Variants in CASKIN1 observed in about 807,000 individuals in gnomAD.
CASKIN1 encodes the protein CASK interacting protein 1.
In CASKIN1, 42 loss-of-function variants were observed where a neutral mutation model predicts 117.5. The ratio of observed to expected loss-of-function variants is 0.36; its 90% confidence interval spans 0.28 to 0.46. CASKIN1 has a LOEUF of 0.46. CASKIN1 is among the 20% of genes least tolerant of loss of function. The pLI, the probability that CASKIN1 is intolerant of heterozygous loss-of-function variation, is 1.00. For synonymous variants in CASKIN1, 1,148 were observed against 961.7 expected, an observed-to-expected ratio of 1.19 and a Z score of -3.59; for missense variants, 2,083 against 2,077.3, an observed-to-expected ratio of 1.00 and a Z score of -0.05.
chr16:2,191,570 G>A (rs2093201808), intron 1 of CASKIN1, among the ~76,000 whole-genome samples: 1 of 152,202 alleles, frequency 6.6e-6, no homozygotes, highest in Non-Finnish European at 1.5e-5. Flanking sequence ...CTCGGTGCAT[G>A]GCGATTACTA....
chr16:2,178,079 G>A lies in CASKIN1; in HGVS notation c.*471C>T, dbSNP rs1182557088. 4 of 486,874 alleles carry A rather than the reference G, an allele frequency of 8.2e-6. No individual in the cohort carries two copies. The highest frequency in any genetic ancestry group is 1.6e-5 in the Non-Finnish European group (4 of 254,244). The allele number at this position is 486,874 out of a possible 1,614,324, so 30.2% of individuals were successfully genotyped here. A position where few individuals can be genotyped will look rare whatever the true frequency, so the allele number is the denominator to read the frequency against. On this transcript the variant is annotated 3_prime_UTR_variant, in exon 20 of 20. Coordinates refer to ENST00000343516, the MANE Select transcript of CASKIN1 (RefSeq NM_020764.4). ...AAAGTTATACCTTTTTGTTTCTCTG[G>A]GGAAATCCGCCTCAGCTCATTCCCA...
At position 2,196,485 on chromosome 16, in the gene CASKIN1, C is replaced by A; in HGVS notation, c.-53G>T. The A allele has an allele frequency of 1.1e-6, 1 of 945,950 alleles. No homozygotes were observed. The highest frequency in any genetic ancestry group is 1.3e-6 in the Non-Finnish European group (1 of 778,878). 58.6% of individuals were successfully genotyped at this position (945,950 alleles called of 1,614,324 possible). On this transcript the variant is annotated 5_prime_UTR_variant, in exon 1 of 20. Transcript: ENST00000343516. This position sits in a 1 kb window ranked among gnomAD's most constrained non-coding sequence, Gnocchi z 5.7. Reference sequence around the variant, plus strand: ...CTGCGCTCGTGAGCTCGGCGCGGCTCAGAGGCGGCGGCGGCCCCGCGGCAC... The same window carrying A: ...CTGCGCTCGTGAGCTCGGCGCGGCTAAGAGGCGGCGGCGGCCCCGCGGCAC...
Position 2,181,140 on chromosome 16 carries a change from C to A in CASKIN1, c.2228G>T (p.Arg743Leu), listed in dbSNP as rs762572509. The change falls in exon 18 of 20, where the codon CGG becomes CTG. Residue 743 changes from arginine to leucine, a missense_variant. Arg to Leu is a moderately radical substitution (Grantham distance 102). Around this residue, in one of 3 missense-constraint regions of CASKIN1, gnomAD observed 1,818 missense variants for 1,688.9 expected, o/e 1.08. Transcript: ENST00000343516. The part of the protein sequence containing the change: ...PAPGTPPREA[R>L]PGRHGHSIKR... ...GATGCTGTGGCCGTGGCGGCCGGGC[C>A]GGGCCTCCCTGGGCGGGGTGCCGGG... 2 of 1,483,078 alleles carry A rather than the reference C, an allele frequency of 1.3e-6. No individual in the cohort carries two copies. The highest frequency in any genetic ancestry group is 5.0e-5 in the Admixed American group (2 of 39,618). 91.9% of individuals were successfully genotyped at this position (1,483,078 alleles called of 1,614,324 possible).
intron 1 of CASKIN1, among the ~76,000 whole-genome samples, chr16:2,191,357 G>A (rs1268737401): frequency 6.6e-6 from 1 of 152,194 alleles, no homozygotes; most frequent in African/African-American, 2.4e-5. Context: ...CTGGACACAG[G>A]GTGCGGGTCC....
chr16:2,179,954 G>A lies in CASKIN1; in HGVS notation c.3414C>T (p.Val1138=), dbSNP rs1256544443. The change falls in exon 18 of 20, where the codon GTC becomes GTT. Residue 1138 remains valine (V), a synonymous_variant. Transcript: ENST00000343516. The surrounding 1 kb of genome is among the most constrained non-coding windows in gnomAD (Gnocchi z 5.8). ...TGTCAGACTCGGTCAGGATGAACTT[G>A]ACGTTCTCCTGCTGGTTCTGCTTGG... ...IRAKQNQQEN[V]KFILTESDTV... 13 of 1,606,832 alleles carry A rather than the reference G, an allele frequency of 8.1e-6. No individual in the cohort carries two copies. Among genetic ancestry groups the A allele is most frequent in the Non-Finnish European group, 1.1e-5 (13 of 1,177,262 alleles).
rs910011124 is a variant in CASKIN1 at position 2,177,812 on chromosome 16, T to C, written c.*738A>G. On this transcript the variant is annotated 3_prime_UTR_variant, in exon 20 of 20. Coordinates refer to ENST00000343516, the MANE Select transcript of CASKIN1 (RefSeq NM_020764.4). ...AGAGCAAGGCACAACCTCGAGTTCT[T>C]GGGGCGCAGAGAACTTAGGAGAGAA... is the stretch of plus-strand genomic sequence containing the variant. 2.1e-5 allele frequency: 5 copies of C among 239,586 alleles called. No individual in the cohort carries two copies. The highest frequency in any genetic ancestry group is 1.2e-4 in the South Asian group (1 of 8,680). 14.8% of individuals were successfully genotyped at this position (239,586 alleles called of 1,614,324 possible). A position where few individuals can be genotyped will look rare whatever the true frequency, so the allele number is the denominator to read the frequency against.
chr16:2,189,898 G>C (rs923252600), intron 3 of CASKIN1, among the ~76,000 whole-genome samples, 175 bp downstream of exon 3: 4 of 152,018 alleles, frequency 2.6e-5, no homozygotes, highest in Non-Finnish European at 5.9e-5. Context: ...GCTAGGAGCT[G>C]ACCCCTCACC....
chr16:2,191,136 C>G (rs1170300541), intron 1 of CASKIN1, among the ~76,000 whole-genome samples: 2 of 152,198 alleles, frequency 1.3e-5, no homozygotes, highest in East Asian at 3.9e-4. Flanking sequence ...CAAACCCCCG[C>G]CTATCTGGGC....
intron 1 of CASKIN1, among the ~76,000 whole-genome samples, chr16:2,195,976 G>A (rs1031203407): frequency 6.6e-6 from 1 of 152,056 alleles, no homozygotes; most frequent in South Asian, 2.1e-4. Flanking sequence ...TGGTGGGTGG[G>A]GGGGGCATCC....
rs754413603 is a variant in CASKIN1 at position 2,181,216 on chromosome 16, T to G, written c.2152A>C (p.Ser718Arg). The change falls in exon 18 of 20, where the codon AGC becomes CGC. Residue 718 changes from serine to arginine, a missense_variant. Physicochemically the swap from Ser to Arg is moderately radical, Grantham distance 110. Transcript: ENST00000343516. ...ELLGDGPPGP[S>R]SPMSRSQEYL... Reference sequence around the variant, plus strand: ...TCCTGGCTTCGAGACATGGGGCTGCTGGGCCCAGGGGGCCCATCTCCCAGC... The same window carrying G: ...TCCTGGCTTCGAGACATGGGGCTGCGGGGCCCAGGGGGCCCATCTCCCAGC... 4 of 1,586,968 alleles carry G rather than the reference T, an allele frequency of 2.5e-6. No individual in the cohort carries two copies. The highest frequency in any genetic ancestry group is 3.4e-6 in the Non-Finnish European group (4 of 1,174,710).
Position 2,189,425 on chromosome 16 carries a change from A to G in CASKIN1, c.384T>C (p.Tyr128=). ...GCCCCCGCTCGGGCCTCACCACATC[A>G]TAGTGACCATGCTGGGCCGCCAGGT... is the stretch of plus-strand genomic sequence containing the variant. The part of the protein sequence containing the change: ...PLHLAAQHGH[Y]DVSEMLLQHQ... The change falls in exon 4 of 20, where the codon TAT becomes TAC. Residue 128 remains tyrosine, a synonymous_variant. Coordinates refer to ENST00000343516, the MANE Select transcript of CASKIN1 (RefSeq NM_020764.4). The G allele has an allele frequency of 6.2e-7, 1 of 1,611,460 alleles. No individual in the cohort carries two copies. Among genetic ancestry groups the G allele is most frequent in the South Asian group, 1.1e-5 (1 of 90,996 alleles).
intron 1 of CASKIN1, among the ~76,000 whole-genome samples, chr16:2,193,228 GCTGGT>G (rs2093205988): frequency 6.6e-6 from 1 of 152,086 alleles, no homozygotes; most frequent in Non-Finnish European, 1.5e-5. Context: ...TGTTGGTCAG[GCTGGT>G]CTCGAACTCC....
chr16:2,180,640 C>T lies in CASKIN1; in HGVS notation c.2728G>A (p.Val910Ile). The change falls in exon 18 of 20, where the codon GTC (valine) becomes ATC (isoleucine). Residue 910 changes from valine to isoleucine, a missense_variant. Val to Ile is a conservative substitution (Grantham distance 29). This residue lies in a region of CASKIN1 where 1,818 missense variants were observed against 1,688.9 expected (regional missense o/e 1.08). Coordinates refer to ENST00000343516, the MANE Select transcript of CASKIN1 (RefSeq NM_020764.4). ...TGGCTGCGGCCCACGCGCCGCTGGA[C>T]CGTGGCATAGGGGCCGGCAGCCGCA... ...VPAAAGPYATVQRRVGRSHSV... is the reference protein window; with the variant it reads ...VPAAAGPYATIQRRVGRSHSV... The T allele has an allele frequency of 6.5e-7, 1 of 1,546,086 alleles. No homozygotes were observed. The highest frequency in any genetic ancestry group is 8.7e-7 in the Non-Finnish European group (1 of 1,153,014).
Position 2,179,373 on chromosome 16 carries a change from C to G in CASKIN1, c.3776-48G>C. 1 of 1,333,610 alleles carries G rather than the reference C, an allele frequency of 7.5e-7. No homozygotes were observed. The allele number at this position is 1,333,610 out of a possible 1,614,324, so 82.6% of individuals were successfully genotyped here. ...ACCGAGCGGGCACGAGTTCCGCCGC[C>G]GCGCCCCCTGCCCCAGCCTCCCGCG... is the stretch of plus-strand genomic sequence containing the variant. On this transcript the variant is annotated intron_variant, in intron 18 of 19. Coordinates refer to ENST00000343516, the MANE Select transcript of CASKIN1 (RefSeq NM_020764.4). This position sits in a 1 kb window ranked among gnomAD's most constrained non-coding sequence, Gnocchi z 5.8.
chr16:2,186,010 C>T (rs2093183310), intron 10 of CASKIN1, among the ~76,000 whole-genome samples: 1 of 152,176 alleles, frequency 6.6e-6, no homozygotes, highest in African/African-American at 2.4e-5. Flanking sequence ...GAGACAGGGT[C>T]TTGCTCTGTC....
chr16:2,178,445 G>A lies in CASKIN1; in HGVS notation c.*105C>T, dbSNP rs2093151462. 3 of 854,658 alleles carry A rather than the reference G, an allele frequency of 3.5e-6. No homozygotes were observed. The highest frequency in any genetic ancestry group is 1.7e-6 in the Non-Finnish European group (1 of 599,426). 52.9% of individuals were successfully genotyped at this position (854,658 alleles called of 1,614,324 possible). A position where few individuals can be genotyped will look rare whatever the true frequency, so the allele number is the denominator to read the frequency against. ...GGGGCCGGAGTTGTGCTTCTGCAGG[G>A]CCCTGCCCGGCCGCTCGCGCCGCGC... On this transcript the variant is annotated 3_prime_UTR_variant, in exon 20 of 20. Coordinates refer to ENST00000343516, the MANE Select transcript of CASKIN1 (RefSeq NM_020764.4).
chr16:2,177,476 A>C lies in CASKIN1; in HGVS notation c.*1074T>G, dbSNP rs1181360825. On this transcript the variant is annotated 3_prime_UTR_variant, in exon 20 of 20. Coordinates refer to ENST00000343516, the MANE Select transcript of CASKIN1 (RefSeq NM_020764.4). ...TGCCCAACACTGTGGATCAGCAAAC[A>C]CGATAGAGGAGACCAGTCAGTACTT... is the stretch of plus-strand genomic sequence containing the variant. The C allele has an allele frequency of 4.3e-6, 1 of 232,994 alleles. No homozygotes were observed. Among genetic ancestry groups the C allele is most frequent in the Non-Finnish European group, 8.5e-6 (1 of 117,898 alleles). The allele number at this position is 232,994 out of a possible 1,614,324, so 14.4% of individuals were successfully genotyped here.
At position 2,181,043 on chromosome 16, in the gene CASKIN1, C is replaced by T. The variant is rs762002044; in HGVS notation, c.2325G>A (p.Thr775=). ...GGGTTTTGGTGGGCGTCTGGGGGGG[C>T]GTGAAGTGGCTAGTGCCTGGTGGGA... ...QVLPPGTSHF[T]PPQTPTKTRP... is the part of the protein sequence containing the mutation. The change falls in exon 18 of 20, where the codon ACG becomes ACA. Residue 775 remains threonine, a synonymous_variant. Coordinates refer to ENST00000343516, the MANE Select transcript of CASKIN1 (RefSeq NM_020764.4). 1.0e-5 allele frequency: 15 copies of T among 1,486,902 alleles called. No homozygotes were observed. Among genetic ancestry groups the T allele is most frequent in the Middle Eastern group, 1.8e-4 (1 of 5,494 alleles). The allele number at this position is 1,486,902 out of a possible 1,614,324, so 92.1% of individuals were successfully genotyped here.
chr16:2,183,746 T>C lies in CASKIN1; in HGVS notation c.1529A>G (p.Asp510Gly), dbSNP rs760100699. ...LPTISRMTPE[D>G]LTAIGVTKPG... is the part of the protein sequence containing the mutation. ...CTTGGTGACACCAATGGCCGTGAGG[T>C]CCTAGGCAGTGGGGAGGCTTGTCAG... Residue 510 changes from aspartate (D) to glycine (G), a missense_variant and splice_region_variant, in exon 16 of 20, where the codon GAC (aspartate) becomes GGC (glycine). Around this residue, in one of 3 missense-constraint regions of CASKIN1, gnomAD observed 1,818 missense variants for 1,688.9 expected, o/e 1.08. Coordinates refer to ENST00000343516, the MANE Select transcript of CASKIN1 (RefSeq NM_020764.4). The C allele has an allele frequency of 6.2e-7, 1 of 1,613,214 alleles. No individual in the cohort carries two copies. Among genetic ancestry groups the C allele is most frequent in the South Asian group, 1.1e-5 (1 of 91,082 alleles).
Sources: allele counts gnomAD v4.1 joint callset (sites outside exome capture counted in the v4.1 genomes callset), GRCh38; gene constraint gnomAD v4.1.1; regional missense constraint gnomAD v4.1.1; non-coding constraint Gnocchi (gnomAD v3.1); transcripts MANE v1.5; gene names NCBI Gene and HGNC (gene_info 2026-07-23, HGNC 2026-07-21).